Variants in SDK1 observed in about 807,000 individuals in gnomAD.
SDK1 encodes the protein sidekick cell adhesion molecule 1.
A neutral mutation model predicts 245.5 loss-of-function variants in SDK1; 157 were observed. The observed-to-expected ratio is 0.64, with a 90% confidence interval of 0.56 to 0.73. The LOEUF (loss-of-function observed/expected upper bound fraction) is 0.73. Among genes scored for constraint, SDK1 ranks in the 30% least tolerant of loss-of-function variants. SDK1 has a pLI of 0.00. For synonymous variants in SDK1, 1,647 were observed against 1,278.5 expected (o/e 1.29, Z -6.15); for missense variants, 3,583 against 3,002.3 (o/e 1.19, Z -4.52).
intron 28 of SDK1, among the ~76,000 whole-genome samples, chr7:4,139,757 G>A (rs1779443967): frequency 1.3e-5 from 2 of 151,194 alleles, no homozygotes; most frequent in Non-Finnish European, 2.9e-5. Context: ...GTGTGTGTGT[G>A]TATAATCTTG....
intron 1 of SDK1, among the ~76,000 whole-genome samples, chr7:3,530,697 G>A (rs974081357): frequency 3.3e-5 from 5 of 152,128 alleles, no homozygotes; most frequent in Admixed American, 2.0e-4. Flanking sequence ...TATGAAGTTA[G>A]CTTATGTACA....
intron 4 of SDK1, among the ~76,000 whole-genome samples, chr7:3,731,345 A>C (rs1779172610): frequency 6.6e-6 from 1 of 152,196 alleles, no homozygotes. Flanking sequence ...CTGCTGAACC[A>C]TTAGGAGGCG....
chr7:3,314,495 T>C (rs997093732), intron 1 of SDK1, among the ~76,000 whole-genome samples: 5 of 152,210 alleles, frequency 3.3e-5, no homozygotes, highest in Non-Finnish European at 7.3e-5. Context: ...GGCAAGTGGT[T>C]GAGATGGAGC....
intron 36 of SDK1, among the ~76,000 whole-genome samples, chr7:4,207,583 A>C (rs112822813): frequency 0.02 from 3,015 of 152,242 alleles, 54 homozygotes; most frequent in Non-Finnish European, 0.033. Context: ...ATATTGAGGA[A>C]AACTTAGATG....
intron 2 of SDK1, among the ~76,000 whole-genome samples, chr7:3,621,541 C>A (rs906136272): frequency 6.6e-6 from 1 of 152,174 alleles, no homozygotes; most frequent in African/African-American, 2.4e-5. Flanking sequence ...AGGCTACACG[C>A]CTTGGATGGC....
intron 5 of SDK1, among the ~76,000 whole-genome samples, chr7:3,868,999 G>A (rs189558376): frequency 1.0e-3 from 153 of 152,162 alleles, no homozygotes; most frequent in South Asian, 2.7e-3. Flanking sequence ...GAAGTCAGCC[G>A]ACATTTCTCA....
intron 44 of SDK1, among the ~76,000 whole-genome samples, chr7:4,262,352 C>G (rs892526020): frequency 2.0e-5 from 3 of 151,880 alleles, no homozygotes; most frequent in African/African-American, 4.8e-5. Context: ...CTTCCAATGA[C>G]TTCACATCAA....
At chr7:3,952,142 C>T (rs1046432744) in intron 7 of SDK1, 2 of 549,068 alleles carry the variant, frequency 3.6e-6, no homozygotes, top group Non-Finnish European at 6.3e-6. Flanking sequence ...CAAGAAACGT[C>T]CTTCTGAATA....
chr7:3,749,849 A>G (rs1370117852), intron 4 of SDK1, among the ~76,000 whole-genome samples: 1 of 152,212 alleles, frequency 6.6e-6, no homozygotes, highest in African/African-American at 2.4e-5. Context: ...AGCAATAAAA[A>G]TTAATTTAGA....
intron 5 of SDK1, among the ~76,000 whole-genome samples, chr7:3,906,399 T>TGTGA (rs373402283): frequency 0.044 from 6,527 of 149,972 alleles, 466 homozygotes; most frequent in African/African-American, 0.15. Context: ...TGTGTGTGTG[T>TGTGA]GAGAGAGAGA....
intron 4 of SDK1, among the ~76,000 whole-genome samples, chr7:3,658,471 C>G (rs957732242): frequency 6.6e-6 from 1 of 151,630 alleles, no homozygotes; most frequent in African/African-American, 2.4e-5. Flanking sequence ...TTTAGTTCAT[C>G]TCATGTAGTC....
At chr7:4,007,142 C>T (rs1280325481) in intron 14 of SDK1, among the ~76,000 whole-genome samples, 1 of 152,218 alleles carries the variant, frequency 6.6e-6, no homozygotes, top group Non-Finnish European at 1.5e-5. Context: ...ATCAGTCAAG[C>T]TTCCTGAGGG....
At chr7:3,666,822 A>G (rs569986366) in intron 4 of SDK1, among the ~76,000 whole-genome samples, 1 of 152,212 alleles carries the variant, frequency 6.6e-6, no homozygotes, top group East Asian at 1.9e-4. Flanking sequence ...ATGCCTTCCT[A>G]TCTCAGGTCT....
chr7:3,407,228 A>G lies in SDK1; in HGVS notation c.298+105344A>G, dbSNP rs188808786. 1.4e-4 allele frequency among the ~76,000 whole-genome samples: 22 copies of G among 152,302 alleles called. No homozygotes were observed. The East Asian group carries it at 3.9e-3, about 27-fold the overall frequency. On this transcript the variant is annotated intron_variant, in intron 1 of 44. Coordinates refer to ENST00000404826, the MANE Select transcript of SDK1 (RefSeq NM_152744.4). ...AGCACTTTCTGGAACTTTGCGTGAA[A>G]AATTTCATAGATCCCAGCAGGAATT...
intron 1 of SDK1, among the ~76,000 whole-genome samples, chr7:3,513,729 C>A (rs1021609180): frequency 6.6e-5 from 10 of 152,126 alleles, no homozygotes; most frequent in Admixed American, 6.6e-4. Context: ...CAGATGAGCC[C>A]ATCACCCAGG....
intron 1 of SDK1, among the ~76,000 whole-genome samples, chr7:3,320,135 T>C (rs1390398050): frequency 1.3e-5 from 2 of 152,050 alleles, no homozygotes; most frequent in Non-Finnish European, 2.9e-5. Flanking sequence ...TCCGGATGAC[T>C]GTTTCACACA....
In SDK1 at chr7:4,260,044, G is replaced by T. The variant is rs573394556; in HGVS notation, c.6382-5080G>T. Among the ~76,000 whole-genome samples, 3 of 152,380 alleles carry T rather than the reference G, an allele frequency of 2.0e-5. 1 individual carries two copies. Among genetic ancestry groups the T allele is most frequent in the African/African-American group, 7.2e-5 (3 of 41,594 alleles). ...TTCCCGAAAAAGGAGCCACTGCCAC[G>T]TTTATCATCGTCACCCGATGAAGGA... is the stretch of plus-strand genomic sequence containing the variant. On this transcript the variant is annotated intron_variant, in intron 44 of 44. Coordinates refer to ENST00000404826, the MANE Select transcript of SDK1 (RefSeq NM_152744.4).
At chr7:3,675,667 G>A (rs765342323) in intron 4 of SDK1, among the ~76,000 whole-genome samples, 6 of 151,898 alleles carry the variant, frequency 4.0e-5, no homozygotes, top group South Asian at 4.2e-4. Flanking sequence ...TGGAACTCCC[G>A]GTCTCAAGCC....
At chr7:3,569,556 A>C (rs1321170801) in intron 1 of SDK1, among the ~76,000 whole-genome samples, 1 of 152,226 alleles carries the variant, frequency 6.6e-6, no homozygotes, top group Non-Finnish European at 1.5e-5. Context: ...TGCTGAGGCC[A>C]GGGTGTCTGT....
Sources: gnomAD v4.1 joint callset for allele counts (sites outside exome capture counted in the v4.1 genomes callset) on GRCh38, gnomAD v4.1.1 for gene constraint, MANE v1.5 for transcripts, NCBI Gene and HGNC (gene_info 2026-07-23, HGNC 2026-07-21) for gene names.